The following RBMS3 variants were observed in gnomAD, a reference collection of about 807,000 sequenced individuals.
RBMS3 encodes RNA binding motif single stranded interacting protein 3, also known as RNA-binding motif, single-stranded-interacting protein 3.
A neutral mutation model predicts 66.8 loss-of-function variants in RBMS3; 27 were observed. The ratio of observed to expected loss-of-function variants is 0.40; its 90% CI spans 0.30 to 0.56. The LOEUF is 0.56. RBMS3 is among the 20% of genes least tolerant of loss of function. The pLI is 0.40. For missense variants in RBMS3, 513 were observed against 549.5 expected, an observed-to-expected ratio of 0.93 and a Z score of 0.66; for synonymous variants, 188 against 183.0, an observed-to-expected ratio of 1.03 and a Z score of -0.22.
chr3:29,959,791 A>G (rs564555636), intron 12 of RBMS3, among the ~76,000 whole-genome samples: 1 of 152,192 alleles, frequency 6.6e-6, no homozygotes, highest in Admixed American at 6.5e-5. Flanking sequence ...AAAGTGGGAA[A>G]AGCCCCTTAT....
intron 10 of RBMS3, chr3:29,924,859 AG>A (rs772661009): frequency 4.7e-5 from 7 of 148,878 alleles, no homozygotes; most frequent in Non-Finnish European, 1.0e-4. Flanking sequence ...AAAAAAAAAA[AG>A]AGAGAGAGAG....
At chr3:29,373,568 TTC>T (rs1417196515) in intron 1 of RBMS3, among the ~76,000 whole-genome samples, 3 of 152,228 alleles carry the variant, frequency 2.0e-5, no homozygotes, top group Admixed American at 2.0e-4. Flanking sequence ...AATGATCAGT[TTC>T]TGTTTCCAGA....
chr3:29,597,836 T>A (rs78599488), intron 4 of RBMS3, among the ~76,000 whole-genome samples: 6,050 of 152,196 alleles, frequency 0.04, 161 homozygotes, highest in Admixed American at 0.088. Flanking sequence ...AGCTCATTTT[T>A]TCATACTCAT....
chr3:29,751,834 G>T (rs1160956915), intron 5 of RBMS3, among the ~76,000 whole-genome samples: 1 of 152,198 alleles, frequency 6.6e-6, no homozygotes, highest in African/African-American at 2.4e-5. Context: ...ACGCAGGTGA[G>T]CTGGTGCAGG....
At position 29,999,081 on chromosome 3, in the gene RBMS3, C is replaced by A. The variant is rs1012830648; in HGVS notation, c.1308-4775C>A. Among the ~76,000 whole-genome samples, 15 of 152,074 alleles carry A rather than the reference C, an allele frequency of 9.9e-5. No homozygotes were observed. The East Asian group carries it at 1.5e-3, about 16-fold the overall frequency. ...ACTCAAACTAGAAAAAAACAAAAAA[C>A]CCCATCAAAAAGTGGGCAAAGAATA... On this transcript the variant is annotated intron_variant, in intron 14 of 14. Coordinates refer to ENST00000383767, the MANE Select transcript of RBMS3 (RefSeq NM_001003793.3).
intron 4 of RBMS3, among the ~76,000 whole-genome samples, chr3:29,635,077 G>A (rs955642396): frequency 6.6e-6 from 1 of 152,006 alleles, no homozygotes; most frequent in South Asian, 2.1e-4. Flanking sequence ...CATGGTTTTA[G>A]CATTTATAAA....
At chr3:29,876,082 T>A (rs2059604921) in intron 7 of RBMS3, among the ~76,000 whole-genome samples, 1 of 152,236 alleles carries the variant, frequency 6.6e-6, no homozygotes, top group South Asian at 2.1e-4. Context: ...GGCTTGATTT[T>A]TGAAAAACTT....
At chr3:29,914,108 A>T (rs2060582252) in intron 10 of RBMS3, among the ~76,000 whole-genome samples, 1 of 151,984 alleles carries the variant, frequency 6.6e-6, no homozygotes, top group African/African-American at 2.4e-5. Context: ...ATGTGTGTTT[A>T]TATGAGGTTA....
chr3:29,625,051 A>G (rs2049009820), intron 4 of RBMS3, among the ~76,000 whole-genome samples: 2 of 152,070 alleles, frequency 1.3e-5, no homozygotes, highest in Admixed American at 6.5e-5. Context: ...ATGGTTGCAA[A>G]GTGTTTGGCT....
intron 11 of RBMS3, among the ~76,000 whole-genome samples, chr3:29,938,071 C>G (rs1430327946): frequency 2.0e-5 from 3 of 151,664 alleles, no homozygotes; most frequent in Admixed American, 2.0e-4. Flanking sequence ...AACTGACTTG[C>G]TAAAATTTAA....
intron 6 of RBMS3, among the ~76,000 whole-genome samples, chr3:29,858,313 A>G (rs12636997): frequency 0.068 from 10,271 of 152,162 alleles, 563 homozygotes; most frequent in African/African-American, 0.14. Context: ...TATGTAGTAC[A>G]TAGTAATCTA....
intron 2 of RBMS3, among the ~76,000 whole-genome samples, chr3:29,484,612 G>C (rs2043254816): frequency 1.3e-5 from 2 of 152,134 alleles, no homozygotes; most frequent in Non-Finnish European, 2.9e-5. Context: ...AATTATGCAT[G>C]ACTTTGATGA....
chr3:29,340,923 A>G (rs1303386313), intron 1 of RBMS3, among the ~76,000 whole-genome samples: 3 of 152,044 alleles, frequency 2.0e-5, no homozygotes, highest in African/African-American at 7.2e-5. Flanking sequence ...GCTATCTGTA[A>G]TGCTTTTTAA....
intron 3 of RBMS3, among the ~76,000 whole-genome samples, chr3:29,542,941 G>A (rs1351031354): frequency 1.3e-5 from 2 of 152,122 alleles, no homozygotes; most frequent in Non-Finnish European, 2.9e-5. Context: ...GTTTTCAGAA[G>A]CAATGCAAAT....
intron 6 of RBMS3, among the ~76,000 whole-genome samples, chr3:29,764,473 C>A (rs1489152671): frequency 1.3e-5 from 2 of 151,728 alleles, no homozygotes; most frequent in East Asian, 3.9e-4. Context: ...GGACTTTCCT[C>A]TTGTTTGTCC....
intron 1 of RBMS3, among the ~76,000 whole-genome samples, chr3:29,295,344 T>TATAC (rs1559467399): frequency 5.6e-5 from 8 of 143,836 alleles, no homozygotes; most frequent in African/African-American, 2.0e-4. Flanking sequence ...CATATATATA[T>TATAC]ACATATATAT....
At chr3:29,308,454 G>A (rs555227947) in intron 1 of RBMS3, among the ~76,000 whole-genome samples, 3 of 151,852 alleles carry the variant, frequency 2.0e-5, no homozygotes, top group Non-Finnish European at 2.9e-5. Flanking sequence ...GAACGTATAA[G>A]GGAGCTAAAT....
chr3:29,685,533 T>TA (rs2051693555), intron 4 of RBMS3, among the ~76,000 whole-genome samples: 1 of 152,182 alleles, frequency 6.6e-6, no homozygotes, highest in South Asian at 2.1e-4. Context: ...CATCAGTTCT[T>TA]TAGCCATTAC....
At chr3:29,661,883 A>G (rs2050567551) in intron 4 of RBMS3, among the ~76,000 whole-genome samples, 1 of 152,148 alleles carries the variant, frequency 6.6e-6, no homozygotes, top group Admixed American at 6.5e-5. Context: ...GTGAAGGTGG[A>G]TGGTGAAGCT....
Sources: gnomAD v4.1 joint callset for allele counts (sites outside exome capture counted in the v4.1 genomes callset) on GRCh38, gnomAD v4.1.1 for gene constraint, MANE v1.5 for transcripts, NCBI Gene and HGNC (gene_info 2026-07-23, HGNC 2026-07-21) for gene names.